S1PR3: variants seen among roughly 807,000 people sequenced by gnomAD.
S1PR3 encodes sphingosine-1-phosphate receptor 3.
Under a neutral mutation model 13.3 loss-of-function variants are expected in S1PR3, and 12 were observed. That is an observed-to-expected ratio of 0.90 (90% CI 0.58 to 1.46). The LOEUF (loss-of-function observed/expected upper bound fraction) is 1.46, where lower values mean the gene tolerates loss of function less well. S1PR3 is among the 40% of genes most tolerant of loss of function. S1PR3 has a pLI of 0.00. For missense variants in S1PR3, 450 were observed against 501.9 expected (o/e 0.90, Z 0.99); for synonymous variants, 232 against 214.0 (o/e 1.08, Z -0.73).
In S1PR3 at chr9:89,001,714, C is replaced by T. The variant is rs1298385646; in HGVS notation, c.514C>T (p.Pro172Ser). 1.2e-6 allele frequency: 2 copies of T among 1,614,108 alleles called. No individual in the cohort carries two copies. Among genetic ancestry groups the T allele is most frequent in the African/African-American group, 2.7e-5 (2 of 74,962 alleles). ...CATTGCCTTCACGCTGGGCGCCCTGCCCATTCTGGGCTGGAACTGCCTGCA... is the reference window on the plus strand; with the variant it reads ...CATTGCCTTCACGCTGGGCGCCCTGTCCATTCTGGGCTGGAACTGCCTGCA... ...WLIAFTLGAL[P>S]ILGWNCLHNL... Residue 172 changes from proline (P) to serine (S), a missense_variant, in exon 2 of 2, where the codon CCC (proline) becomes TCC (serine). Coordinates refer to ENST00000358157, the MANE Select transcript of S1PR3 (RefSeq NM_005226.4).
Position 89,001,286 on chromosome 9 carries a change from C to A in S1PR3, c.86C>A (p.Ala29Glu). Residue 29 changes from alanine to glutamate, a missense_variant, in exon 2 of 2, where the codon GCG becomes GAG. Transcript: ENST00000358157. ...REHYQYVGKL[A>E]GRLKEASEGS... Reference sequence around the variant, plus strand: ...CATTACCAGTACGTGGGGAAGTTGGCGGGCAGGCTGAAGGAGGCCTCCGAG... The same window carrying A: ...CATTACCAGTACGTGGGGAAGTTGGAGGGCAGGCTGAAGGAGGCCTCCGAG... The A allele has an allele frequency of 1.2e-6, 2 of 1,614,124 alleles. No homozygotes were observed. Among genetic ancestry groups the A allele is most frequent in the Non-Finnish European group, 1.7e-6 (2 of 1,180,040 alleles).
At chr9:89,000,120 G>C (rs544214809) in intron 1 of S1PR3, 1 of 152,198 alleles carries the variant, frequency 6.6e-6, no homozygotes, top group East Asian at 1.9e-4. Context: ...AAGGCTGATC[G>C]ATATTACCAG....
Position 88,991,806 on chromosome 9 carries a change from C to T in S1PR3, c.-148+111C>T, listed in dbSNP as rs762878829. On this transcript the variant is annotated intron_variant, in intron 1 of 1. Coordinates refer to ENST00000358157, the MANE Select transcript of S1PR3 (RefSeq NM_005226.4). This position sits in a 1 kb window ranked among gnomAD's most constrained non-coding sequence, Gnocchi z 4.0. ...ATCCCGGGCGCGACGGGGACTTGGG[C>T]GCGCCACGGCGGCCGGAGCGCTCCA... 1 of 1,606,088 alleles carries T rather than the reference C, an allele frequency of 6.2e-7. No homozygotes were observed.
intron 1 of S1PR3, chr9:88,992,115 C>A: frequency 7.2e-7 from 1 of 1,391,510 alleles, no homozygotes; most frequent in Non-Finnish European, 9.9e-7. Flanking sequence ...CCTAACATTT[C>A]TCAAACAAGG....
At chr9:88,991,244 A>G, upstream of S1PR3, 6 of 1,547,282 alleles carry the variant, frequency 3.9e-6, no homozygotes, top group Non-Finnish European at 4.4e-6. This position sits in a 1 kb window ranked among gnomAD's most constrained non-coding sequence, Gnocchi z 4.0. Context: ...GGGGATTGGT[A>G]GGGTCGGGGA....
upstream of S1PR3, chr9:88,991,004 G>T: frequency 6.2e-7 from 1 of 1,613,572 alleles, no homozygotes; most frequent in South Asian, 1.1e-5. This position sits in a 1 kb window ranked among gnomAD's most constrained non-coding sequence, Gnocchi z 4.0. Flanking sequence ...AAATGGTCAG[G>T]ATCTGGACAA....
Position 88,991,698 on chromosome 9 carries a change from G to T in S1PR3, c.-148+3G>T. The T allele has an allele frequency of 6.6e-7, 1 of 1,525,502 alleles. No homozygotes were observed. Among genetic ancestry groups the T allele is most frequent in the Non-Finnish European group, 8.8e-7 (1 of 1,135,784 alleles). 94.5% of individuals were successfully genotyped at this position (1,525,502 alleles called of 1,614,324 possible). On this transcript the variant is annotated splice_donor_region_variant and intron_variant, in intron 1 of 1. Transcript: ENST00000358157. This position sits in a 1 kb window ranked among gnomAD's most constrained non-coding sequence, Gnocchi z 4.0. Reference sequence around the variant, plus strand: ...CCCAGCGCCCTCAGCCGACGGAGGTGAGAGGCGGGCCCGGGCGGGGCGCGG... The same window carrying T: ...CCCAGCGCCCTCAGCCGACGGAGGTTAGAGGCGGGCCCGGGCGGGGCGCGG...
At chr9:88,991,195 C>G (rs201570852), upstream of S1PR3, 134 of 1,592,786 alleles carry the variant, frequency 8.4e-5, no homozygotes, top group African/African-American at 1.7e-3. The surrounding 1 kb of genome is among the most constrained non-coding windows in gnomAD (Gnocchi z 4.0). Flanking sequence ...GTCTGGAGGC[C>G]GGCCTGGGAA....
upstream of S1PR3, chr9:88,990,867 C>T: frequency 9.1e-7 from 1 of 1,099,364 alleles, no homozygotes; most frequent in Non-Finnish European, 1.3e-6. Flanking sequence ...GGGGGTAGAG[C>T]GCGGAGAGGG....
chr9:89,001,829 C>T lies in S1PR3; in HGVS notation c.629C>T (p.Thr210Ile), dbSNP rs753514229. 6.2e-7 allele frequency: 1 copy of T among 1,614,256 alleles called. No individual in the cohort carries two copies. The highest frequency in any genetic ancestry group is 8.5e-7 in the Non-Finnish European group (1 of 1,180,048). Residue 210 changes from threonine to isoleucine, a missense_variant, in exon 2 of 2, where the codon ACC (threonine) becomes ATC (isoleucine). Physicochemically the swap from Thr to Ile is moderately conservative, Grantham distance 89. Transcript: ENST00000358157. ...AGCATCTTCACGGCCATCCTGGTGA[C>T]CATCGTGATCCTCTACGCACGCATC... Reference protein sequence around the residue: ...CISIFTAILVTIVILYARIYF... With the variant: ...CISIFTAILVIIVILYARIYF...
At position 89,001,775 on chromosome 9, in the gene S1PR3, A is replaced by T; in HGVS notation, c.575A>T (p.Tyr192Phe). Residue 192 changes from tyrosine to phenylalanine, a missense_variant, in exon 2 of 2, where the codon TAC becomes TTC. Physicochemically the swap from Tyr to Phe is conservative, Grantham distance 22 (BLOSUM62 3). Coordinates refer to ENST00000358157, the MANE Select transcript of S1PR3 (RefSeq NM_005226.4). ...LPDCSTILPL[Y>F]SKKYIAFCIS... ...GACTGCTCTACCATCCTGCCCCTCT[A>T]CTCCAAGAAGTACATTGCCTTCTGC... 6.2e-7 allele frequency: 1 copy of T among 1,613,894 alleles called. No homozygotes were observed. Among genetic ancestry groups the T allele is most frequent in the African/African-American group, 1.3e-5 (1 of 74,936 alleles).
intron 1 of S1PR3, chr9:88,994,781 A>G (rs1249988962): frequency 1.8e-5 from 3 of 167,214 alleles, no homozygotes; most frequent in Admixed American, 1.3e-4. Context: ...ACCGGGAAGC[A>G]GTAAGTCTAA....
chr9:88,998,981 G>C (rs1366469297), intron 1 of S1PR3: 2 of 152,402 alleles, frequency 1.3e-5, no homozygotes, highest in East Asian at 3.8e-4. Flanking sequence ...TGCGCTGCCT[G>C]TCATGGCTCA....
In S1PR3 at chr9:89,003,759, A is replaced by G. The variant is rs1825898912; in HGVS notation, c.*1422A>G. The G allele has an allele frequency of 6.0e-6, 1 of 166,308 alleles. No individual in the cohort carries two copies. Among genetic ancestry groups the G allele is most frequent in the Admixed American group, 6.5e-5 (1 of 15,292 alleles). The allele number at this position is 166,308 out of a possible 1,614,324, so 10.3% of individuals were successfully genotyped here. ...ACCTCCCATCAGAGTCCCCTAAAGTATTTTAGGTTCAGTGAGCATTTGCCT... is the reference window on the plus strand; with the variant it reads ...ACCTCCCATCAGAGTCCCCTAAAGTGTTTTAGGTTCAGTGAGCATTTGCCT... On this transcript the variant is annotated 3_prime_UTR_variant, in exon 2 of 2. Coordinates refer to ENST00000358157, the MANE Select transcript of S1PR3 (RefSeq NM_005226.4).
At chr9:88,993,004 C>G (rs1337825353) in intron 1 of S1PR3, 3 of 152,604 alleles carry the variant, frequency 2.0e-5, no homozygotes, top group Non-Finnish European at 4.4e-5. Flanking sequence ...GAAGCTAGCC[C>G]TTAAGAGCCT....
In S1PR3 at chr9:89,004,539, T is replaced by TG. The variant is rs1164004801; in HGVS notation, c.*2204dup. 1.8e-5 allele frequency: 3 copies of TG among 167,142 alleles called. No homozygotes were observed. The highest frequency in any genetic ancestry group is 1.3e-4 in the Admixed American group (2 of 15,292). The allele number at this position is 167,142 out of a possible 1,614,324, so 10.4% of individuals were successfully genotyped here. ...TAGTTATGAGTTGCTTTGGGAGACT[T>TG]GGAGCTCTCTGTAGCTATTGTTCAT... is the stretch of plus-strand genomic sequence containing the variant. On this transcript the variant is annotated 3_prime_UTR_variant, in exon 2 of 2. Transcript: ENST00000358157.
In S1PR3 at chr9:89,003,169, T is replaced by C. The variant is rs1013075930; in HGVS notation, c.*832T>C. On this transcript the variant is annotated 3_prime_UTR_variant, in exon 2 of 2. Transcript: ENST00000358157. ...CCAGATGGGCCAAAGAAAGAGCCTA[T>C]GAAGGAGAAGCAGAAGCAGACGGCT... is the stretch of plus-strand genomic sequence containing the variant. The C allele has an allele frequency of 6.0e-6, 1 of 166,804 alleles. No individual in the cohort carries two copies. Among genetic ancestry groups the C allele is most frequent in the African/African-American group, 2.4e-5 (1 of 41,174 alleles). 10.3% of individuals were successfully genotyped at this position (166,804 alleles called of 1,614,324 possible).
upstream of S1PR3, chr9:88,991,258 G>T (rs1297044260): frequency 6.5e-7 from 1 of 1,549,650 alleles, no homozygotes; most frequent in East Asian, 2.4e-5. The surrounding 1 kb of genome is among the most constrained non-coding windows in gnomAD (Gnocchi z 4.0). Context: ...TCGGGGAGAA[G>T]GGGTCCAGGC....
At chr9:88,997,823 A>G (rs1405887379) in intron 1 of S1PR3, 1 of 152,394 alleles carries the variant, frequency 6.6e-6, no homozygotes, top group African/African-American at 2.4e-5. Context: ...CAGGTCATCC[A>G]TTTGGCAGCA....
Sources: allele counts gnomAD v4.1 joint callset, GRCh38; gene constraint gnomAD v4.1.1; non-coding constraint Gnocchi (gnomAD v3.1); transcripts MANE v1.5; gene names NCBI Gene and HGNC (gene_info 2026-07-23, HGNC 2026-07-21).